The following PCDHB16 variants were observed in gnomAD, a reference collection of about 807,000 sequenced individuals.
PCDHB16 encodes the protein protocadherin beta 16.
For synonymous variants in PCDHB16, 444 were observed against 436.5 expected (o/e 1.02, Z -0.21); for missense variants, 1,026 against 989.9 (o/e 1.04, Z -0.49).
rs1554282025 is a variant in PCDHB16 at position 141,182,794 on chromosome 5, G to A, written c.235G>A (p.Ala79Thr). Reference protein sequence around the residue: ...QGNKQHLQLKAQTGDLLINEK... With the variant: ...QGNKQHLQLKTQTGDLLINEK... Reference sequence around the variant, plus strand: ...GAACAAACAGCATTTGCAGCTCAAGGCTCAAACTGGGGATTTGCTCATAAA... The same window carrying A: ...GAACAAACAGCATTTGCAGCTCAAGACTCAAACTGGGGATTTGCTCATAAA... Residue 79 changes from alanine to threonine, a missense_variant, in exon 1 of 1, where the codon GCT (alanine) becomes ACT (threonine). Ala to Thr is a moderately conservative substitution (Grantham distance 58, BLOSUM62 0). Coordinates refer to ENST00000609684, the MANE Select transcript of PCDHB16 (RefSeq NM_020957.4). 6.2e-7 allele frequency: 1 copy of A among 1,614,088 alleles called. No homozygotes were observed. Among genetic ancestry groups the A allele is most frequent in the South Asian group, 1.1e-5 (1 of 91,086 alleles).
rs781788836 is a variant in PCDHB16 at position 141,182,890 on chromosome 5, G to A, written c.331G>A (p.Glu111Lys). ...CATACTACATTTCCAAGTGTTAATGGAAAACCCTTTAGAAATATTTCAGGC... is the reference window on the plus strand; with the variant it reads ...CATACTACATTTCCAAGTGTTAATGAAAAACCCTTTAGAAATATTTCAGGC... ...PCILHFQVLM[E>K]NPLEIFQAEL... is the part of the protein sequence containing the mutation. The change falls in exon 1 of 1, where the codon GAA becomes AAA. Residue 111 changes from glutamate to lysine, a missense_variant. Physicochemically the swap from Glu to Lys is moderately conservative, Grantham distance 56. Coordinates refer to ENST00000609684, the MANE Select transcript of PCDHB16 (RefSeq NM_020957.4). 3.1e-6 allele frequency: 5 copies of A among 1,613,996 alleles called. No homozygotes were observed. The Admixed American group carries it at 8.3e-5, about 27-fold the overall frequency.
Position 141,184,384 on chromosome 5 carries a change from G to A in PCDHB16, c.1825G>A (p.Ala609Thr). 6.2e-7 allele frequency: 1 copy of A among 1,605,702 alleles called. No homozygotes were observed. Among genetic ancestry groups the A allele is most frequent in the East Asian group, 2.2e-5 (1 of 44,762 alleles). Residue 609 changes from alanine to threonine, a missense_variant, in exon 1 of 1, where the codon GCC becomes ACC. Transcript: ENST00000609684. ...CTGGCTGTCGTACCAGCTGCTCAAG[G>A]CCACGGAGCCCGGGCTGTTCGGTGT... ...NAWLSYQLLK[A>T]TEPGLFGVWA...
chr5:141,183,548 A>T lies in PCDHB16; in HGVS notation c.989A>T (p.Lys330Met), dbSNP rs781924639. The T allele has an allele frequency of 3.7e-6, 6 of 1,614,066 alleles. No homozygotes were observed. Among genetic ancestry groups the T allele is most frequent in the Non-Finnish European group, 5.1e-6 (6 of 1,180,038 alleles). ...ACAGATGGGGGAGGTCTTTCAGGAA[A>T]GTGCACTCTTCTCCTGCAGGTGGTG... is the stretch of plus-strand genomic sequence containing the variant. ...KATDGGGLSG[K>M]CTLLLQVVDV... The change falls in exon 1 of 1, where the codon AAG becomes ATG. Residue 330 changes from lysine to methionine, a missense_variant. Lys to Met is a moderately conservative substitution (Grantham distance 95). Coordinates refer to ENST00000609684, the MANE Select transcript of PCDHB16 (RefSeq NM_020957.4).
Position 141,184,926 on chromosome 5 carries a change from T to A in PCDHB16, c.*36T>A, listed in dbSNP as rs781999804. 6.9e-6 allele frequency: 11 copies of A among 1,597,744 alleles called. No individual in the cohort carries two copies. Among genetic ancestry groups the A allele is most frequent in the South Asian group, 1.1e-5 (1 of 89,050 alleles). On this transcript the variant is annotated 3_prime_UTR_variant, in exon 1 of 1. Transcript: ENST00000609684. Reference sequence around the variant, plus strand: ...AAGAAATAGATTAAAATTCCACCCTTCACAATAGCTTTGGATTTAATTATT... The same window carrying A: ...AAGAAATAGATTAAAATTCCACCCTACACAATAGCTTTGGATTTAATTATT...
At position 141,183,907 on chromosome 5, in the gene PCDHB16, A is replaced by G; in HGVS notation, c.1348A>G (p.Thr450Ala). 3.7e-6 allele frequency: 6 copies of G among 1,614,068 alleles called. No homozygotes were observed. Among genetic ancestry groups the G allele is most frequent in the Non-Finnish European group, 5.1e-6 (6 of 1,180,012 alleles). ...ATCAGATGTCAATGATAACGCCCCC[A>G]CTTTCACCCAAACCTCCTACACCCT... ...QISDVNDNAP[T>A]FTQTSYTLFV... The change falls in exon 1 of 1, where the codon ACT (threonine) becomes GCT (alanine). Residue 450 changes from threonine (T) to alanine (A), a missense_variant. Transcript: ENST00000609684.
In PCDHB16 at chr5:141,186,008, C is replaced by T. The variant is rs370855295; in HGVS notation, c.*1118C>T. ...GAGGTCCCTGTTATATTTTTAATGG[C>T]TAACAACTCAATCTCATTAAGTTGG... On this transcript the variant is annotated 3_prime_UTR_variant, in exon 1 of 1. Coordinates refer to ENST00000609684, the MANE Select transcript of PCDHB16 (RefSeq NM_020957.4). 1 of 976,360 alleles carries T rather than the reference C, an allele frequency of 1.0e-6. No homozygotes were observed. 60.5% of individuals were successfully genotyped at this position (976,360 alleles called of 1,614,324 possible).
rs1321702754 is a variant in PCDHB16 at position 141,184,404 on chromosome 5, C to G, written c.1845C>G (p.Phe615Leu). 1.2e-6 allele frequency: 2 copies of G among 1,606,444 alleles called. No individual in the cohort carries two copies. Among genetic ancestry groups the G allele is most frequent in the Non-Finnish European group, 1.7e-6 (2 of 1,179,482 alleles). The change falls in exon 1 of 1, where the codon TTC (phenylalanine) becomes TTG (leucine). Residue 615 changes from phenylalanine (F) to leucine (L), a missense_variant. Coordinates refer to ENST00000609684, the MANE Select transcript of PCDHB16 (RefSeq NM_020957.4). ...QLLKATEPGL[F>L]GVWAHNGEVR... ...TCAAGGCCACGGAGCCCGGGCTGTT[C>G]GGTGTGTGGGCGCACAATGGCGAGG...
Position 141,183,420 on chromosome 5 carries a change from T to C in PCDHB16, c.861T>C (p.Asp287=), listed in dbSNP as rs1753618195. ...ISYTLFQPSE[D]ISKTLEVNPM... is the part of the protein sequence containing the mutation. ...ACACACTCTTTCAGCCTTCGGAGGA[T>C]ATTAGTAAAACTTTGGAGGTAAATC... Residue 287 remains aspartate, a synonymous_variant, in exon 1 of 1, where the codon GAT becomes GAC. Transcript: ENST00000609684. The C allele has an allele frequency of 2.5e-6, 4 of 1,614,010 alleles. No homozygotes were observed. The highest frequency in any genetic ancestry group is 2.7e-5 in the African/African-American group (2 of 74,930).
In PCDHB16 at chr5:141,183,828, C is replaced by T. The variant is rs1753636256; in HGVS notation, c.1269C>T (p.Val423=). 2.2e-5 allele frequency: 35 copies of T among 1,614,206 alleles called. No individual in the cohort carries two copies. Among genetic ancestry groups the T allele is most frequent in the Non-Finnish European group, 2.7e-5 (32 of 1,180,034 alleles). Residue 423 remains valine (V), a synonymous_variant, in exon 1 of 1, where the codon GTC becomes GTT. Coordinates refer to ENST00000609684, the MANE Select transcript of PCDHB16 (RefSeq NM_020957.4). ...ARAEYNITLT[V]TDMGTPRLKT... is the part of the protein sequence containing the mutation. ...CTGAATATAATATCACCCTCACCGT[C>T]ACAGATATGGGGACTCCAAGGCTGA...
Position 141,183,685 on chromosome 5 carries a change from G to C in PCDHB16, c.1126G>C (p.Gly376Arg), listed in dbSNP as rs201387795. ...AVFSVSDPDS[G>R]NNGKTISSIQ... ...TTTCAGCGTTTCAGATCCTGACTCC[G>C]GAAACAATGGGAAGACGATTTCCTC... The change falls in exon 1 of 1, where the codon GGA becomes CGA. Residue 376 changes from glycine (G) to arginine (R), a missense_variant. Gly to Arg is a moderately radical substitution (Grantham distance 125). Transcript: ENST00000609684. The C allele has an allele frequency of 6.2e-7, 1 of 1,614,086 alleles. No individual in the cohort carries two copies. The highest frequency in any genetic ancestry group is 8.5e-7 in the Non-Finnish European group (1 of 1,180,028).
rs782620277 is a variant in PCDHB16 at position 141,184,736 on chromosome 5, C to G, written c.2177C>G (p.Ser726Trp). 7 of 1,614,148 alleles carry G rather than the reference C, an allele frequency of 4.3e-6. No homozygotes were observed. The highest frequency in any genetic ancestry group is 1.3e-5 in the African/African-American group (1 of 75,048). ...AGGGCGGCCTCGGTGGGCCGCTGCT[C>G]GATGCCTGAGGGCCCCTTTCCAGGG... ...RSRAASVGRC[S>W]MPEGPFPGRL... Residue 726 changes from serine to tryptophan, a missense_variant, in exon 1 of 1, where the codon TCG (serine) becomes TGG (tryptophan). Transcript: ENST00000609684.
In PCDHB16 at chr5:141,183,830, C is replaced by T; in HGVS notation, c.1271C>T (p.Thr424Ile). Reference sequence around the variant, plus strand: ...GAATATAATATCACCCTCACCGTCACAGATATGGGGACTCCAAGGCTGAAA... The same window carrying T: ...GAATATAATATCACCCTCACCGTCATAGATATGGGGACTCCAAGGCTGAAA... ...RAEYNITLTV[T>I]DMGTPRLKTE... The change falls in exon 1 of 1, where the codon ACA becomes ATA. Residue 424 changes from threonine (T) to isoleucine (I), a missense_variant. Coordinates refer to ENST00000609684, the MANE Select transcript of PCDHB16 (RefSeq NM_020957.4). 6.2e-7 allele frequency: 1 copy of T among 1,614,240 alleles called. No individual in the cohort carries two copies. Among genetic ancestry groups the T allele is most frequent in the Non-Finnish European group, 8.5e-7 (1 of 1,180,048 alleles).
chr5:141,183,482 A>T lies in PCDHB16; in HGVS notation c.923A>T (p.Asp308Val). ...GAAGTTCGACTGAGAAAGCAAGTAGATTTCGAAATGGTTACGTCTTATGAA... is the reference window on the plus strand; with the variant it reads ...GAAGTTCGACTGAGAAAGCAAGTAGTTTTCGAAATGGTTACGTCTTATGAA... Reference protein sequence around the residue: ...TGEVRLRKQVDFEMVTSYEVR... With the variant: ...TGEVRLRKQVVFEMVTSYEVR... Residue 308 changes from aspartate to valine, a missense_variant, in exon 1 of 1, where the codon GAT becomes GTT. Asp to Val is a radical substitution (Grantham distance 152). Transcript: ENST00000609684. 6.2e-7 allele frequency: 1 copy of T among 1,614,232 alleles called. No individual in the cohort carries two copies. The highest frequency in any genetic ancestry group is 8.5e-7 in the Non-Finnish European group (1 of 1,180,042).
At position 141,183,201 on chromosome 5, in the gene PCDHB16, G is replaced by T. The variant is rs782302044; in HGVS notation, c.642G>T (p.Ala214=). 1.9e-6 allele frequency: 3 copies of T among 1,614,148 alleles called. No homozygotes were observed. Among genetic ancestry groups the T allele is most frequent in the East Asian group, 2.2e-5 (1 of 44,880 alleles). Residue 214 remains alanine (A), a synonymous_variant, in exon 1 of 1, where the codon GCG becomes GCT. Transcript: ENST00000609684. ...EEPQLRLTLT[A]LDGGSPPRSG... ...CTCAACTAAGATTAACCCTGACAGC[G>T]CTGGATGGTGGCTCTCCACCGCGAT...
Position 141,186,025 on chromosome 5 carries a change from T to C in PCDHB16, c.*1135T>C. 4 of 988,682 alleles carry C rather than the reference T, an allele frequency of 4.0e-6. No homozygotes were observed. Among genetic ancestry groups the C allele is most frequent in the Non-Finnish European group, 4.9e-6 (4 of 819,502 alleles). The allele number at this position is 988,682 out of a possible 1,614,324, so 61.2% of individuals were successfully genotyped here. A position where few individuals can be genotyped will look rare whatever the true frequency, so the allele number is the denominator to read the frequency against. On this transcript the variant is annotated 3_prime_UTR_variant, in exon 1 of 1. Coordinates refer to ENST00000609684, the MANE Select transcript of PCDHB16 (RefSeq NM_020957.4). ...TTTAATGGCTAACAACTCAATCTCATTAAGTTGGAAAAAAAACTTATCAAA... is the reference window on the plus strand; with the variant it reads ...TTTAATGGCTAACAACTCAATCTCACTAAGTTGGAAAAAAAACTTATCAAA...
chr5:141,183,723 C>T lies in PCDHB16; in HGVS notation c.1164C>T (p.Asp388=). ...NGKTISSIQE[D]LPFLLKPSVK... ...AGACGATTTCCTCCATCCAGGAAGA[C>T]CTTCCCTTTCTTCTAAAACCTTCAG... Residue 388 remains aspartate (D), a synonymous_variant, in exon 1 of 1, where the codon GAC becomes GAT. Transcript: ENST00000609684. 1 of 1,614,170 alleles carries T rather than the reference C, an allele frequency of 6.2e-7. No homozygotes were observed. The highest frequency in any genetic ancestry group is 8.5e-7 in the Non-Finnish European group (1 of 1,180,032).
chr5:141,185,992 G>C lies in PCDHB16; in HGVS notation c.*1102G>C, dbSNP rs1005625763. On this transcript the variant is annotated 3_prime_UTR_variant, in exon 1 of 1. Transcript: ENST00000609684. ...CTGAATTAAAAAATCAGAGGTCCCT[G>C]TTATATTTTTAATGGCTAACAACTC... is the stretch of plus-strand genomic sequence containing the variant. 6 of 966,244 alleles carry C rather than the reference G, an allele frequency of 6.2e-6. No homozygotes were observed. The highest frequency in any genetic ancestry group is 2.5e-6 in the Non-Finnish European group (2 of 799,352). 59.9% of individuals were successfully genotyped at this position (966,244 alleles called of 1,614,324 possible).
At position 141,183,666 on chromosome 5, in the gene PCDHB16, C is replaced by T. The variant is rs782817738; in HGVS notation, c.1107C>T (p.Ser369=). The stretch of plus-strand genomic sequence containing the variant: ...CTGAGATAGTAGTTGCTGTTTTCAG[C>T]GTTTCAGATCCTGACTCCGGAAACA... ...NSPEIVVAVF[S]VSDPDSGNNG... Residue 369 remains serine (S), a synonymous_variant, in exon 1 of 1, where the codon AGC becomes AGT. Coordinates refer to ENST00000609684, the MANE Select transcript of PCDHB16 (RefSeq NM_020957.4). 1 of 1,614,058 alleles carries T rather than the reference C, an allele frequency of 6.2e-7. No homozygotes were observed. Among genetic ancestry groups the T allele is most frequent in the South Asian group, 1.1e-5 (1 of 91,080 alleles).
chr5:141,183,409 C>A lies in PCDHB16; in HGVS notation c.850C>A (p.Pro284Thr). The A allele has an allele frequency of 6.2e-7, 1 of 1,614,170 alleles. No homozygotes were observed. Among genetic ancestry groups the A allele is most frequent in the South Asian group, 1.1e-5 (1 of 91,080 alleles). The change falls in exon 1 of 1, where the codon CCT (proline) becomes ACT (threonine). Residue 284 changes from proline to threonine, a missense_variant. Pro to Thr is a conservative substitution (Grantham distance 38). Transcript: ENST00000609684. ...NGKISYTLFQ[P>T]SEDISKTLEV... ...AAAAATATCATACACACTCTTTCAG[C>A]CTTCGGAGGATATTAGTAAAACTTT...
Sources: allele counts gnomAD v4.1 joint callset, GRCh38; gene constraint gnomAD v4.1.1; transcripts MANE v1.5; gene names NCBI Gene and HGNC (gene_info 2026-07-23, HGNC 2026-07-21).